The following DIPK1A variants were observed in gnomAD, a reference collection of about 807,000 sequenced individuals.
The protein encoded by DIPK1A is divergent protein kinase domain 1A.
Under a neutral mutation model 40.8 loss-of-function variants are expected in DIPK1A, and 27 were observed. That is an observed-to-expected ratio of 0.66 (90% confidence interval 0.49 to 0.91). DIPK1A has a LOEUF of 0.91. Ranked by LOEUF, DIPK1A falls within the 40% of genes least tolerant of loss-of-function variation. DIPK1A has a pLI of 0.00. For missense variants in DIPK1A, 412 were observed against 505.7 expected (o/e 0.81, Z 1.78); for synonymous variants, 166 against 171.3 (o/e 0.97, Z 0.24).
downstream of DIPK1A, chr1:92,840,977 G>A (rs533555644): frequency 1.0e-4 from 43 of 418,648 alleles, 1 homozygote; most frequent in South Asian, 4.2e-4. Context: ...GTGATGTGAT[G>A]GCCCACAAAT....
intron 1 of DIPK1A, among the ~76,000 whole-genome samples, chr1:92,910,451 G>A (rs1649786946): frequency 6.6e-6 from 1 of 152,088 alleles, no homozygotes; most frequent in Non-Finnish European, 1.5e-5. Context: ...GGGGGAAAGT[G>A]TATAGACAAA....
At chr1:92,914,422 GGAA>G (rs1649961665) in intron 1 of DIPK1A, among the ~76,000 whole-genome samples, 1 of 151,996 alleles carries the variant, frequency 6.6e-6, no homozygotes, top group Non-Finnish European at 1.5e-5. Flanking sequence ...AAGGGAGTAG[GGAA>G]GAAGAAATAC....
chr1:92,945,649 C>G (rs998924860), intron 1 of DIPK1A, among the ~76,000 whole-genome samples: 4 of 151,988 alleles, frequency 2.6e-5, no homozygotes, highest in African/African-American at 9.7e-5. Flanking sequence ...TATCTCACTC[C>G]TTTTCTATTT....
downstream of DIPK1A, chr1:92,837,283 T>C (rs1687167911): frequency 1.3e-6 from 1 of 778,042 alleles, no homozygotes; most frequent in African/African-American, 1.7e-5. Flanking sequence ...AATTCAGAGA[T>C]GAGCTGCTGA....
At chr1:92,944,798 T>G (rs1054301984) in intron 1 of DIPK1A, among the ~76,000 whole-genome samples, 2 of 152,018 alleles carry the variant, frequency 1.3e-5, no homozygotes, top group African/African-American at 2.4e-5. Context: ...TTAGGATCAC[T>G]TGAACCCAGG....
intron 1 of DIPK1A, chr1:92,932,145 A>T (rs1650774337): frequency 9.2e-6 from 2 of 217,444 alleles, no homozygotes; most frequent in South Asian, 1.1e-4. Flanking sequence ...AAATTTTTAA[A>T]TATTATCCAA....
chr1:92,857,231 A>T (rs1175369636), intron 2 of DIPK1A, among the ~76,000 whole-genome samples: 1 of 152,126 alleles, frequency 6.6e-6, no homozygotes, highest in Non-Finnish European at 1.5e-5. Flanking sequence ...TATACCTGTA[A>T]TGTTTTACTT....
chr1:92,873,276 C>G (rs1647960575), intron 2 of DIPK1A, among the ~76,000 whole-genome samples: 2 of 152,074 alleles, frequency 1.3e-5, no homozygotes, highest in African/African-American at 4.8e-5. Context: ...GATCATACAT[C>G]ACCAGTGAAA....
intron 1 of DIPK1A, among the ~76,000 whole-genome samples, chr1:92,941,773 A>C (rs1571144398): frequency 6.6e-6 from 1 of 152,330 alleles, no homozygotes; most frequent in East Asian, 1.9e-4. Context: ...GGAATTCAAA[A>C]ATCTAGAAAT....
At chr1:92,841,478 C>G (rs1687360558), downstream of DIPK1A, among the ~76,000 whole-genome samples, 1 of 152,146 alleles carries the variant, frequency 6.6e-6, no homozygotes, top group South Asian at 2.1e-4. Flanking sequence ...CTTGGACAAA[C>G]TGATTTCAAA....
At chr1:92,947,621 G>T (rs1019190958) in intron 1 of DIPK1A, among the ~76,000 whole-genome samples, 4 of 152,186 alleles carry the variant, frequency 2.6e-5, no homozygotes, top group Non-Finnish European at 5.9e-5. Context: ...AAGGAAATCA[G>T]TATGGAGAGA....
downstream of DIPK1A, chr1:92,837,319 G>C: frequency 1.2e-6 from 1 of 802,948 alleles, no homozygotes; most frequent in Non-Finnish European, 2.3e-6. Context: ...TAACTGAGCA[G>C]TCAGTAGTTG....
At chr1:92,869,582 T>G (rs1318902898) in intron 2 of DIPK1A, among the ~76,000 whole-genome samples, 1 of 152,216 alleles carries the variant, frequency 6.6e-6, no homozygotes, top group Non-Finnish European at 1.5e-5. Flanking sequence ...GTGGAACCTC[T>G]TTTGGATCTT....
In DIPK1A at chr1:92,835,094, A is replaced by G. The variant is rs182949781; in HGVS notation, c.475-2060T>C. 641 of 828,350 alleles carry G rather than the reference A, an allele frequency of 7.7e-4. 7 individuals are homozygous for G. Among genetic ancestry groups the G allele is most frequent in the Non-Finnish European group, 9.0e-5 (47 of 520,686 alleles). 51.3% of individuals were successfully genotyped at this position (828,350 alleles called of 1,614,324 possible). Reference sequence around the variant, plus strand: ...GCTCTTTCCAATAAAATTTTCTGCAATGACACAAATCTGTAATTTGCTGTC... The same window carrying G: ...GCTCTTTCCAATAAAATTTTCTGCAGTGACACAAATCTGTAATTTGCTGTC... On this transcript the variant is annotated intron_variant, in intron 4 of 4. Coordinates refer to the DIPK1A transcript ENST00000615519.
chr1:92,908,489 A>G (rs1261528683), intron 1 of DIPK1A, among the ~76,000 whole-genome samples: 2 of 152,194 alleles, frequency 1.3e-5, no homozygotes, highest in Admixed American at 1.3e-4. Flanking sequence ...GAAAATATCC[A>G]TTGGATTTAG....
At chr1:92,947,400 T>A (rs1651418187) in intron 1 of DIPK1A, among the ~76,000 whole-genome samples, 1 of 152,060 alleles carries the variant, frequency 6.6e-6, no homozygotes, top group Non-Finnish European at 1.5e-5. Context: ...TGAGCTATCA[T>A]CTCACCCCAG....
chr1:92,876,022 A>T (rs1648104744), intron 2 of DIPK1A, among the ~76,000 whole-genome samples: 1 of 149,524 alleles, frequency 6.7e-6, no homozygotes, highest in Admixed American at 6.7e-5. Context: ...TAAATATATT[A>T]AAAATATATA....
At chr1:92,929,335 A>G (rs1650651198) in intron 1 of DIPK1A, among the ~76,000 whole-genome samples, 1 of 152,242 alleles carries the variant, frequency 6.6e-6, no homozygotes, top group African/African-American at 2.4e-5. Flanking sequence ...TCCTGCCATC[A>G]GCATCTGCTG....
At chr1:92,914,704 G>C (rs937044226) in intron 1 of DIPK1A, among the ~76,000 whole-genome samples, 3 of 151,668 alleles carry the variant, frequency 2.0e-5, no homozygotes, top group Admixed American at 1.3e-4. Context: ...AGGAGGCGGA[G>C]GTTGCAGTGA....
Sources: gnomAD v4.1 joint callset for allele counts (sites outside exome capture counted in the v4.1 genomes callset) on GRCh38, gnomAD v4.1.1 for gene constraint, MANE v1.5 for transcripts, NCBI Gene and HGNC (gene_info 2026-07-23, HGNC 2026-07-21) for gene names.